PACRG: variants seen among roughly 807,000 people sequenced by gnomAD.
PACRG encodes parkin coregulated gene protein.
A neutral mutation model predicts 29.7 loss-of-function variants in PACRG; 29 were observed. The ratio of observed to expected loss-of-function variants is 0.98; its 90% CI spans 0.73 to 1.33. The LOEUF is 1.33. Among genes scored for constraint, PACRG ranks in the 40% most tolerant of loss-of-function variants. PACRG has a pLI of 0.00. For synonymous variants in PACRG, 116 were observed against 118.7 expected (o/e 0.98, Z 0.15); for missense variants, 279 against 316.2 (o/e 0.88, Z 0.89).
chr6:163,014,672 A>G (rs1805926266), intron 2 of PACRG, among the ~76,000 whole-genome samples: 1 of 152,006 alleles, frequency 6.6e-6, no homozygotes, highest in South Asian at 2.1e-4. Flanking sequence ...GTGTCTGTTC[A>G]TGTATTTTAC....
chr6:162,994,105 A>G (rs1336110486), intron 2 of PACRG, among the ~76,000 whole-genome samples: 1 of 135,738 alleles, frequency 7.4e-6, no homozygotes, highest in Non-Finnish European at 1.5e-5. Context: ...TTCTGCCGAG[A>G]GATCCGCTGT....
intron 1 of PACRG, among the ~76,000 whole-genome samples, 191 bp from the exon 2 acceptor site, chr6:162,813,956 G>A (rs996061375): frequency 1.3e-5 from 2 of 152,108 alleles, no homozygotes; most frequent in African/African-American, 4.8e-5. Context: ...ACTTTTAATA[G>A]TGATTATAAA....
intron 1 of PACRG, among the ~76,000 whole-genome samples, chr6:162,792,010 G>A (rs1784992020): frequency 6.6e-6 from 1 of 152,142 alleles, no homozygotes; most frequent in African/African-American, 2.4e-5. Context: ...AACATTAGCT[G>A]TGAATGAGGC....
intron 4 of PACRG, among the ~76,000 whole-genome samples, chr6:163,220,837 C>G (rs1781557775): frequency 6.6e-6 from 1 of 152,152 alleles, no homozygotes; most frequent in Non-Finnish European, 1.5e-5. Context: ...AAGAGCTTAC[C>G]TGGATTTCTT....
intron 2 of PACRG, among the ~76,000 whole-genome samples, chr6:162,895,770 T>C (rs1795120081): frequency 6.6e-6 from 1 of 152,228 alleles, no homozygotes; most frequent in Non-Finnish European, 1.5e-5. Flanking sequence ...ATTGGAGTTA[T>C]CTGATTATTA....
chr6:163,312,556 C>G (rs1355684883), intron 4 of PACRG, among the ~76,000 whole-genome samples: 1 of 152,138 alleles, frequency 6.6e-6, no homozygotes, highest in East Asian at 1.9e-4. Flanking sequence ...TGCAGCCATT[C>G]CTGCCTGCAC....
chr6:163,262,087 T>C lies in PACRG; in HGVS notation c.614-52740T>C, dbSNP rs1049609112. On this transcript the variant is annotated intron_variant, in intron 4 of 4. Transcript: ENST00000366888. ...GAAATGTATTCTGTGCATTCTAAAA[T>C]AAATTCTAAACTATATGAAAGTAGA... Among the ~76,000 whole-genome samples the C allele has an allele frequency of 4.6e-5, 7 of 152,242 alleles. No homozygotes were observed. In the East Asian group the frequency reaches 1.3e-3, roughly 29 times the overall value.
intron 2 of PACRG, among the ~76,000 whole-genome samples, chr6:163,004,908 A>G (rs1804926276): frequency 6.6e-6 from 1 of 152,058 alleles, no homozygotes; most frequent in Non-Finnish European, 1.5e-5. Flanking sequence ...GTCTTGCTCA[A>G]ACTACTTGCC....
intron 2 of PACRG, among the ~76,000 whole-genome samples, chr6:163,021,853 C>G (rs1806655625): frequency 6.6e-6 from 1 of 152,214 alleles, no homozygotes; most frequent in Admixed American, 6.5e-5. Context: ...TCAGGGGAGC[C>G]TGCTCCCTGT....
In PACRG at chr6:162,735,840, A is replaced by G. The variant is rs1220401102; in HGVS notation, c.156+7449A>G. On this transcript the variant is annotated intron_variant, in intron 1 of 4. Transcript: ENST00000366888. ...TTTCAACTAGCTCACAGTGAAATAC[A>G]TATACATTAAGACACATGACTTGGA... Among the ~76,000 whole-genome samples the G allele has an allele frequency of 2.6e-5, 4 of 152,212 alleles. No homozygotes were observed. The East Asian group carries it at 5.8e-4, about 22-fold the overall frequency.
chr6:163,178,778 C>T (rs530612550), intron 4 of PACRG, among the ~76,000 whole-genome samples: 10 of 152,260 alleles, frequency 6.6e-5, no homozygotes, highest in Admixed American at 2.6e-4. Context: ...CTCAAACTTC[C>T]CCACACCCAC....
At chr6:163,041,130 G>A (rs1343310225) in intron 2 of PACRG, among the ~76,000 whole-genome samples, 1 of 152,104 alleles carries the variant, frequency 6.6e-6, no homozygotes, top group African/African-American at 2.4e-5. Context: ...GAGGTCAGGA[G>A]ATTGAGACCA....
intron 4 of PACRG, among the ~76,000 whole-genome samples, chr6:163,167,310 T>C (rs919053665): frequency 2.6e-5 from 4 of 152,210 alleles, no homozygotes; most frequent in Admixed American, 2.6e-4. Context: ...TAATGAGATG[T>C]AAAAATTCTG....
chr6:162,838,861 C>T (rs1373439780), intron 2 of PACRG, among the ~76,000 whole-genome samples: 16 of 148,592 alleles, frequency 1.1e-4, no homozygotes, highest in African/African-American at 2.7e-4. Flanking sequence ...TTTGTTCTTG[C>T]GATAGTTTAC....
intron 4 of PACRG, among the ~76,000 whole-genome samples, chr6:163,232,793 CA>C (rs1431199288): frequency 6.6e-6 from 1 of 152,186 alleles, no homozygotes; most frequent in Non-Finnish European, 1.5e-5. Context: ...GAGAGCAGAG[CA>C]AGGTAAAGAG....
intron 2 of PACRG, chr6:162,957,198 T>G (rs1800116391): frequency 3.7e-5 from 13 of 352,394 alleles, no homozygotes; most frequent in South Asian, 3.5e-4. Context: ...AATGGATGTG[T>G]GGGGCCCAGC....
At chr6:163,186,384 G>A (rs923484061) in intron 4 of PACRG, among the ~76,000 whole-genome samples, 8 of 152,102 alleles carry the variant, frequency 5.3e-5, no homozygotes, top group Admixed American at 3.3e-4. Flanking sequence ...CACACAGGCA[G>A]ACACAGATAC....
intron 2 of PACRG, among the ~76,000 whole-genome samples, chr6:163,019,939 T>G (rs995156378): frequency 2.0e-5 from 3 of 152,204 alleles, no homozygotes; most frequent in African/African-American, 7.2e-5. Flanking sequence ...TTTTCCAAGA[T>G]AAATGAAAGC....
chr6:163,112,179 C>G, intron 4 of PACRG: 3 of 334,366 alleles, frequency 9.0e-6, no homozygotes, highest in Non-Finnish European at 1.3e-5. Context: ...TCTGATGGAA[C>G]TTTTTTTGAA....
Sources: gnomAD v4.1 joint callset for allele counts (sites outside exome capture counted in the v4.1 genomes callset) on GRCh38, gnomAD v4.1.1 for gene constraint, MANE v1.5 for transcripts, NCBI Gene and HGNC (gene_info 2026-07-23, HGNC 2026-07-21) for gene names.